RYR3: variants seen among roughly 807,000 people sequenced by gnomAD.
RYR3 encodes the protein ryanodine receptor 3, also known as brain ryanodine receptor-calcium release channel.
Under a neutral mutation model 584.3 loss-of-function variants are expected in RYR3, and 207 were observed. The ratio of observed to expected loss-of-function variants is 0.35; its 90% confidence interval spans 0.32 to 0.40. RYR3 has a LOEUF of 0.40. Ranked by LOEUF, RYR3 falls within the 10% of genes least tolerant of loss-of-function variation. RYR3 has a pLI of 1.00. For synonymous variants in RYR3, 2,416 were observed against 2,248.5 expected (o/e 1.07, Z -2.11); for missense variants, 5,616 against 6,089.2 (o/e 0.92, Z 2.59).
At chr15:33,729,683 T>C (rs764896394) in intron 47 of RYR3, among the ~76,000 whole-genome samples, 6 of 152,052 alleles carry the variant, frequency 3.9e-5, no homozygotes, top group South Asian at 2.1e-4. Context: ...AAAGCTCAGA[T>C]ACGAGATGCC....
At chr15:33,719,847 A>G (rs2067777374) in intron 43 of RYR3, among the ~76,000 whole-genome samples, 1 of 152,144 alleles carries the variant, frequency 6.6e-6, no homozygotes. Flanking sequence ...CAAACTGTAC[A>G]ATGTCTTTCA....
chr15:33,574,709 A>G (rs892841957), intron 12 of RYR3, among the ~76,000 whole-genome samples: 1 of 152,218 alleles, frequency 6.6e-6, no homozygotes, highest in African/African-American at 2.4e-5. Context: ...CTTAGCATGT[A>G]TGCAGATTAA....
chr15:33,570,623 A>G (rs1567561767), intron 12 of RYR3, among the ~76,000 whole-genome samples: 3 of 152,164 alleles, frequency 2.0e-5, no homozygotes, highest in Admixed American at 2.0e-4. Flanking sequence ...TCCAAAAAAA[A>G]TTCTGCTGGA....
chr15:33,384,333 G>A (rs549526984), intron 1 of RYR3, among the ~76,000 whole-genome samples: 1 of 151,862 alleles, frequency 6.6e-6, no homozygotes, highest in South Asian at 2.1e-4. Flanking sequence ...AGAGGCATCC[G>A]GGTTTTGCCT....
intron 64 of RYR3, among the ~76,000 whole-genome samples, chr15:33,775,032 GA>G (rs538200139): frequency 0.022 from 3,125 of 140,906 alleles, 100 homozygotes; most frequent in African/African-American, 0.074. Context: ...TTCTTCTCTT[GA>G]AAAAAAAAAA....
At chr15:33,442,173 T>A (rs1196264628) in intron 1 of RYR3, among the ~76,000 whole-genome samples, 1 of 152,212 alleles carries the variant, frequency 6.6e-6, no homozygotes, top group African/African-American at 2.4e-5. Flanking sequence ...TCCCTCACAT[T>A]TCTATGTGAA....
At chr15:33,724,577 C>T (rs1484964105) in intron 45 of RYR3, among the ~76,000 whole-genome samples, 2 of 152,192 alleles carry the variant, frequency 1.3e-5, no homozygotes, top group African/African-American at 4.8e-5. Context: ...CAGACTCTTC[C>T]TGTGGTTGGT....
At chr15:33,544,296 G>A (rs536511427) in intron 8 of RYR3, among the ~76,000 whole-genome samples, 1 of 151,892 alleles carries the variant, frequency 6.6e-6, no homozygotes, top group Admixed American at 6.6e-5. Flanking sequence ...ATCATCAAAG[G>A]AACAGAACAT....
chr15:33,655,174 C>G (rs2062753393), intron 32 of RYR3, among the ~76,000 whole-genome samples: 1 of 152,214 alleles, frequency 6.6e-6, no homozygotes, highest in South Asian at 2.1e-4. Context: ...CAGAAAGATG[C>G]ACTCACAAAG....
intron 38 of RYR3, among the ~76,000 whole-genome samples, chr15:33,676,880 C>T (rs543215804): frequency 6.6e-6 from 1 of 152,296 alleles, no homozygotes; most frequent in South Asian, 2.1e-4. Context: ...CAATCATTGT[C>T]AGGCCCTCTC....
chr15:33,468,376 C>T (rs2048657893), intron 1 of RYR3, among the ~76,000 whole-genome samples: 1 of 152,106 alleles, frequency 6.6e-6, no homozygotes, highest in Non-Finnish European at 1.5e-5. Flanking sequence ...GAAATGTCAG[C>T]ATAGTGTTTG....
chr15:33,371,167 A>G (rs1004125216), intron 1 of RYR3, among the ~76,000 whole-genome samples: 2 of 152,226 alleles, frequency 1.3e-5, no homozygotes, highest in Non-Finnish European at 2.9e-5. Context: ...ATCCTGTTTT[A>G]TGAATGAGAG....
At position 33,519,120 on chromosome 15, in the gene RYR3, AGGTCTAGAATGCAT is replaced by A. The variant is rs1346883262; in HGVS notation, c.280-11469_280-11456del. 2.6e-5 allele frequency among the ~76,000 whole-genome samples: 4 copies of A among 152,004 alleles called. No individual in the cohort carries two copies. The East Asian group carries it at 7.7e-4, about 29-fold the overall frequency. ...GCAGCATCCACACCAGTGGGGAGGG[AGGTCTAGAATGCAT>A]GGGGGGCAGTTCAGGAAGTGTCCAG... On this transcript the variant is annotated intron_variant, in intron 3 of 103. Coordinates refer to ENST00000634891, the MANE Select transcript of RYR3 (RefSeq NM_001036.6).
At position 33,861,110 on chromosome 15, in the gene RYR3, C is replaced by A; in HGVS notation, c.14397C>A (p.Asp4799Glu). The change falls in exon 102 of 104, where the codon GAC (aspartate) becomes GAA (glutamate). Residue 4799 changes from aspartate to glutamate, a missense_variant. Asp to Glu is a conservative substitution (Grantham distance 45). Around this residue, in one of 9 missense-constraint regions of RYR3, gnomAD observed 918 missense variants for 887.4 expected, o/e 1.03. Transcript: ENST00000634891. ...TKCFICGIGNDYFDTTPHGFE... is the reference protein window; with the variant it reads ...TKCFICGIGNEYFDTTPHGFE... ...GTTTCATCTGTGGGATTGGCAATGA[C>A]TACTTTGACACAACCCCTCATGGTT... is the stretch of plus-strand genomic sequence containing the variant. The A allele has an allele frequency of 6.3e-7, 1 of 1,596,614 alleles. No individual in the cohort carries two copies. The highest frequency in any genetic ancestry group is 1.7e-5 in the Admixed American group (1 of 57,488).
At chr15:33,568,639 C>T (rs987632447) in intron 12 of RYR3, among the ~76,000 whole-genome samples, 10 of 152,230 alleles carry the variant, frequency 6.6e-5, no homozygotes, top group African/African-American at 1.9e-4. Context: ...CTGTGTTGCC[C>T]AGGCTGGTCT....
At chr15:33,478,119 G>A (rs2049593073) in intron 2 of RYR3, among the ~76,000 whole-genome samples, 1 of 151,522 alleles carries the variant, frequency 6.6e-6, no homozygotes, top group South Asian at 2.1e-4. Flanking sequence ...GGGGGGGGTG[G>A]TTTGGTTCAA....
chr15:33,507,383 C>T (rs2052571421), intron 3 of RYR3, among the ~76,000 whole-genome samples: 1 of 152,190 alleles, frequency 6.6e-6, no homozygotes, highest in Admixed American at 6.5e-5. Flanking sequence ...GAGCAGAGAA[C>T]ATTTTGTGCC....
At chr15:33,425,735 G>T (rs568884382) in intron 1 of RYR3, among the ~76,000 whole-genome samples, 2 of 145,498 alleles carry the variant, frequency 1.4e-5, no homozygotes, top group Non-Finnish European at 3.0e-5. Flanking sequence ...TCCGCCTCCC[G>T]GGTTCATGCC....
At chr15:33,634,529 G>T in intron 24 of RYR3, 57 bp from the exon 25 acceptor site, 1 of 1,579,602 alleles carries the variant, frequency 6.3e-7, no homozygotes, top group South Asian at 1.1e-5. Flanking sequence ...TGAATAGGGT[G>T]AGCTGTGGTG....
Sources: gnomAD v4.1 joint callset for allele counts (sites outside exome capture counted in the v4.1 genomes callset) on GRCh38, gnomAD v4.1.1 for gene constraint, gnomAD v4.1.1 regional missense constraint, MANE v1.5 for transcripts, NCBI Gene and HGNC (gene_info 2026-07-23, HGNC 2026-07-21) for gene names.